ITGBL1: variants seen among roughly 807,000 people sequenced by gnomAD.
ITGBL1 encodes the protein integrin subunit beta like 1.
In ITGBL1, 51 loss-of-function variants were observed where a neutral mutation model predicts 68.5. The ratio of observed to expected loss-of-function variants is 0.74; its 90% confidence interval spans 0.59 to 0.94. ITGBL1 has a LOEUF of 0.94. Ranked by LOEUF, ITGBL1 falls within the 40% of genes least tolerant of loss-of-function variation. The pLI, the probability that ITGBL1 is intolerant of heterozygous loss-of-function variation, is 0.00. For missense variants in ITGBL1, 649 were observed against 647.4 expected (o/e 1.00, Z -0.03); for synonymous variants, 209 against 227.3 (o/e 0.92, Z 0.72).
intron 7 of ITGBL1, among the ~76,000 whole-genome samples, chr13:101,619,939 A>T (rs1192381982): frequency 6.6e-6 from 1 of 152,158 alleles, no homozygotes; most frequent in Non-Finnish European, 1.5e-5. Flanking sequence ...GCACAACTTT[A>T]TAGCTTACTC....
intron 7 of ITGBL1, among the ~76,000 whole-genome samples, chr13:101,674,355 A>T (rs978741831): frequency 2.9e-4 from 44 of 152,134 alleles, no homozygotes; most frequent in Non-Finnish European, 5.9e-4. Flanking sequence ...TGCCACCCTG[A>T]GTACTTCCAT....
intron 2 of ITGBL1, among the ~76,000 whole-genome samples, chr13:101,514,243 T>C (rs557934494): frequency 2.0e-5 from 3 of 152,238 alleles, no homozygotes; most frequent in South Asian, 2.1e-4. Context: ...ATTTGGTTGC[T>C]TGATGGAAGA....
At chr13:101,593,725 CAG>C (rs1291752175) in intron 6 of ITGBL1, among the ~76,000 whole-genome samples, 2 of 151,890 alleles carry the variant, frequency 1.3e-5, no homozygotes, top group African/African-American at 4.8e-5. Context: ...ATCATAGAAG[CAG>C]AGAGTTTAAA....
At chr13:101,540,381 C>G (rs574686833) in intron 2 of ITGBL1, among the ~76,000 whole-genome samples, 1 of 152,200 alleles carries the variant, frequency 6.6e-6, no homozygotes, top group Admixed American at 6.5e-5. Flanking sequence ...GGCATTATTT[C>G]TGAGGGCTCT....
At chr13:101,622,738 C>T (rs2031631093) in intron 7 of ITGBL1, among the ~76,000 whole-genome samples, 1 of 152,064 alleles carries the variant, frequency 6.6e-6, no homozygotes, top group South Asian at 2.1e-4. Flanking sequence ...AATTACAGAA[C>T]TGGTTCTAAA....
chr13:101,671,463 G>T (rs2033370686), intron 7 of ITGBL1, among the ~76,000 whole-genome samples: 1 of 75,356 alleles, frequency 1.3e-5, no homozygotes, highest in Non-Finnish European at 2.6e-5. Context: ...TTTTGAGACG[G>T]AGTCTCGCTC....
chr13:101,653,100 C>G (rs1898201), intron 7 of ITGBL1, among the ~76,000 whole-genome samples: 1 of 136,832 alleles, frequency 7.3e-6, no homozygotes, highest in Non-Finnish European at 1.5e-5. Flanking sequence ...GAGAAAGAAA[C>G]AAAGAAAGAA....
intron 2 of ITGBL1, among the ~76,000 whole-genome samples, chr13:101,456,579 A>T (rs2048247115): frequency 6.6e-6 from 1 of 152,338 alleles, no homozygotes; most frequent in South Asian, 2.1e-4. Flanking sequence ...AGAAGAAAAC[A>T]AAATCCTTCT....
chr13:101,467,590 C>T (rs1028643483), intron 2 of ITGBL1, among the ~76,000 whole-genome samples: 5 of 152,124 alleles, frequency 3.3e-5, no homozygotes, highest in Non-Finnish European at 7.4e-5. Context: ...AGAAGTCATT[C>T]TCCTGTCTAC....
rs535769506 is a variant in ITGBL1 at position 101,653,312 on chromosome 13, A to G, written c.1016-39273A>G. On this transcript the variant is annotated intron_variant, in intron 7 of 10. Coordinates refer to ENST00000376180, the MANE Select transcript of ITGBL1 (RefSeq NM_004791.3). ...TGTTGAGGTGAAGAAGCTTGACCAT[A>G]TAAGAGATACTTCTGAATTTATTCA... is the stretch of plus-strand genomic sequence containing the variant. Among the ~76,000 whole-genome samples, 103 of 152,312 alleles carry G rather than the reference A, an allele frequency of 6.8e-4. 2 individuals are homozygous for G.
intron 6 of ITGBL1, among the ~76,000 whole-genome samples, chr13:101,596,334 A>G (rs184906245): frequency 6.6e-6 from 1 of 152,286 alleles, no homozygotes; most frequent in East Asian, 1.9e-4. Flanking sequence ...TTATAAGATG[A>G]ATACGTTCTG....
intron 2 of ITGBL1, among the ~76,000 whole-genome samples, chr13:101,492,520 G>C (rs773303971): frequency 5.3e-5 from 8 of 152,156 alleles, no homozygotes; most frequent in Non-Finnish European, 1.2e-4. Context: ...TTCTTTGGCA[G>C]CTTCTGTACA....
intron 7 of ITGBL1, among the ~76,000 whole-genome samples, chr13:101,651,456 C>G (rs1161822613): frequency 6.6e-6 from 1 of 152,150 alleles, no homozygotes; most frequent in African/African-American, 2.4e-5. Flanking sequence ...TTGTTGGTCG[C>G]ATGAATGTCT....
chr13:101,562,965 A>G (rs962144273), intron 2 of ITGBL1, among the ~76,000 whole-genome samples: 13 of 151,858 alleles, frequency 8.6e-5, no homozygotes, highest in African/African-American at 3.1e-4. Flanking sequence ...TAAACTAGAA[A>G]TTACAGAAAT....
intron 8 of ITGBL1, among the ~76,000 whole-genome samples, chr13:101,706,214 G>T (rs1483437484): frequency 6.6e-6 from 1 of 152,156 alleles, no homozygotes; most frequent in Non-Finnish European, 1.5e-5. Context: ...TAATTTTTAT[G>T]CAATAATAGA....
chr13:101,705,862 GTATCCCCTAGTGCA>G (rs77677689), intron 8 of ITGBL1, among the ~76,000 whole-genome samples: 21,541 of 152,076 alleles, frequency 0.14, 1,900 homozygotes, highest in East Asian at 0.42. Context: ...GCTTGATTTT[GTATCCCCTAGTGCA>G]TAGCAAAATG....
At chr13:101,608,871 C>G (rs116158831) in intron 7 of ITGBL1, among the ~76,000 whole-genome samples, 1 of 151,920 alleles carries the variant, frequency 6.6e-6, no homozygotes, top group Non-Finnish European at 1.5e-5. Flanking sequence ...ATTTCTTATC[C>G]AAGAGGAATG....
intron 2 of ITGBL1, among the ~76,000 whole-genome samples, chr13:101,551,300 G>A (rs1043770470): frequency 2.5e-4 from 38 of 152,162 alleles, no homozygotes; most frequent in African/African-American, 8.9e-4. Flanking sequence ...ACCTACCTTC[G>A]CCTAATGTAG....
At chr13:101,568,148 A>C (rs1407203600) in intron 3 of ITGBL1, among the ~76,000 whole-genome samples, 1 of 152,150 alleles carries the variant, frequency 6.6e-6, no homozygotes, top group Non-Finnish European at 1.5e-5. Flanking sequence ...ACATCTGTTA[A>C]AAAGGATTTA....
Sources: gnomAD v4.1 joint callset for allele counts (sites outside exome capture counted in the v4.1 genomes callset) on GRCh38, gnomAD v4.1.1 for gene constraint, MANE v1.5 for transcripts, NCBI Gene and HGNC (gene_info 2026-07-23, HGNC 2026-07-21) for gene names.